Variants in CCNH observed in about 807,000 individuals in gnomAD.
The protein encoded by CCNH is cyclin H.
A neutral mutation model predicts 41.9 loss-of-function variants in CCNH; 31 were observed. The observed-to-expected ratio is 0.74, with a 90% confidence interval of 0.56 to 1.00. CCNH has a LOEUF of 1.00. Among genes scored for constraint, CCNH ranks in the 50% least tolerant of loss-of-function variants. The probability of loss-of-function intolerance (pLI) is 0.00; values close to 1 mark genes in which losing one functional copy is unlikely to be tolerated. For missense variants in CCNH, 362 were observed against 388.4 expected, an observed-to-expected ratio of 0.93 and a Z score of 0.57; for synonymous variants, 138 against 136.1, an observed-to-expected ratio of 1.01 and a Z score of -0.10.
chr5:87,395,365 T>A (rs1203885441), intron 7 of CCNH, among the ~76,000 whole-genome samples: 1 of 152,024 alleles, frequency 6.6e-6, no homozygotes, highest in African/African-American at 2.4e-5. Flanking sequence ...GGAAAGAGTG[T>A]GAAAAAATAG....
chr5:87,353,097 T>G (rs2112431504), intron 9 of CCNH: 1 of 1,358,972 alleles, frequency 7.4e-7, no homozygotes, highest in East Asian at 2.3e-5. Context: ...TTTACACATA[T>G]TTTTAAAGAT....
At chr5:87,345,990 G>T in intron 9 of CCNH, among the ~76,000 whole-genome samples, 1 of 152,074 alleles carries the variant, frequency 6.6e-6, no homozygotes, top group East Asian at 1.9e-4. Flanking sequence ...CCTTTTATTT[G>T]AAGGTAAAAT....
chr5:87,326,483 G>A (rs1757237842), intron 9 of CCNH, among the ~76,000 whole-genome samples: 1 of 152,190 alleles, frequency 6.6e-6, no homozygotes, highest in African/African-American at 2.4e-5. Flanking sequence ...AAAGCTAGCT[G>A]GGAAGACATG....
chr5:87,387,638 G>A (rs550958172), downstream of CCNH, among the ~76,000 whole-genome samples: 153 of 152,202 alleles, frequency 1.0e-3, no homozygotes, highest in African/African-American at 3.6e-3. Flanking sequence ...AGATTGAGGT[G>A]TCCATGTTCT....
downstream of CCNH, chr5:87,390,750 AT>A (rs757871624): frequency 4.0e-6 from 6 of 1,499,748 alleles, no homozygotes; most frequent in Non-Finnish European, 5.6e-6. Flanking sequence ...CCATCCTGAA[AT>A]TGCTGACCGA....
At position 87,402,347 on chromosome 5, in the gene CCNH, T is replaced by TTA. The variant is rs530289860; in HGVS notation, c.690-576_690-575insTA. Among the ~76,000 whole-genome samples, 46 of 152,336 alleles carry TTA rather than the reference T, an allele frequency of 3.0e-4. No individual in the cohort carries two copies. In the East Asian group the frequency reaches 8.5e-3, roughly 28 times the overall value. On this transcript the variant is annotated intron_variant, in intron 5 of 8. Transcript: ENST00000256897. ...CCAAATCAAAGGTGTTAAACTTACT[T>TTA]ATCAATGTGATATAAAACCCAAATT...
chr5:87,337,863 C>G, intron 9 of CCNH: 2 of 1,178,432 alleles, frequency 1.7e-6, no homozygotes, highest in Admixed American at 3.0e-5. Flanking sequence ...ACTCTAATTC[C>G]TTACATTTTT....
intron 9 of CCNH, among the ~76,000 whole-genome samples, chr5:87,331,906 AC>A (rs774875500): frequency 4.6e-5 from 7 of 152,264 alleles, no homozygotes; most frequent in South Asian, 2.1e-4. Context: ...GCAGACATGC[AC>A]TTCAGTGAAA....
chr5:87,313,145 G>A, the CCNH span, among the ~76,000 whole-genome samples: 15 of 152,182 alleles, frequency 9.9e-5, no homozygotes, highest in Non-Finnish European at 1.5e-5. Flanking sequence ...GGGTGTTTAA[G>A]TGAGGAAACT....
intron 9 of CCNH, among the ~76,000 whole-genome samples, chr5:87,348,764 A>G (rs1759046215): frequency 6.6e-6 from 1 of 151,876 alleles, no homozygotes; most frequent in Non-Finnish European, 1.5e-5. Context: ...TAGCACAGTC[A>G]TTACTGTTTA....
chr5:87,324,572 C>G (rs578085905), intron 9 of CCNH, among the ~76,000 whole-genome samples: 32 of 152,174 alleles, frequency 2.1e-4, no homozygotes, highest in African/African-American at 7.0e-4. Context: ...AATATGTTAC[C>G]TGTTGAAAAA....
chr5:87,361,051 C>T (rs16902633), intron 9 of CCNH, among the ~76,000 whole-genome samples: 4,854 of 152,218 alleles, frequency 0.032, 161 homozygotes, highest in African/African-American at 0.074. Flanking sequence ...CAGAGTGATG[C>T]AGTAGAGATT....
chr5:87,385,065 G>A (rs889822300), intron 9 of CCNH, among the ~76,000 whole-genome samples: 4 of 151,968 alleles, frequency 2.6e-5, no homozygotes, highest in African/African-American at 7.2e-5. Context: ...TACCCTTTTC[G>A]CAAGCCTAGA....
chr5:87,379,865 TTTC>T, upstream of CCNH: 1 of 1,609,968 alleles, frequency 6.2e-7, no homozygotes, highest in Non-Finnish European at 8.5e-7. Context: ...GTGGTGAAAT[TTTC>T]ATTTGACAAG....
At chr5:87,401,570 A>T (rs3093816) in intron 6 of CCNH, 132 bp downstream of exon 6, 1 of 637,894 alleles carries the variant, frequency 1.6e-6, no homozygotes, top group South Asian at 1.9e-5. Flanking sequence ...TCATGCTTCC[A>T]TAATACAGTA....
chr5:87,327,776 C>A lies in CCNH; in HGVS notation c.*91-8879G>T, dbSNP rs147567446. Among the ~76,000 whole-genome samples the A allele has an allele frequency of 7.2e-3, 1,099 of 152,074 alleles. 5 individuals carry two copies. Among genetic ancestry groups the A allele is most frequent in the Non-Finnish European group, 0.011 (769 of 67,982 alleles). ...GGTCAGTAGCTCGGGACCAGCCTGG[C>A]CAACATGGTGAAACCCCGTCTCTAC... On this transcript the variant is annotated intron_variant and NMD_transcript_variant, in intron 9 of 9. Coordinates refer to the CCNH transcript ENST00000645953.
rs1032068401 is a variant in CCNH at position 87,412,930 on chromosome 5, T to A, written c.-136A>T. ...GTCCGGCTAGCCGGCGCTGGCGCGC[T>A]GTCGTCACGATTACGCGGCCAGCCC... On this transcript the variant is annotated 5_prime_UTR_variant, in exon 1 of 9. Coordinates refer to ENST00000256897, the MANE Select transcript of CCNH (RefSeq NM_001239.4). The A allele has an allele frequency of 1.2e-5, 17 of 1,453,514 alleles. No homozygotes were observed. Among genetic ancestry groups the A allele is most frequent in the Non-Finnish European group, 1.5e-5 (17 of 1,101,024 alleles). The allele number at this position is 1,453,514 out of a possible 1,614,324, so 90.0% of individuals were successfully genotyped here.
intron 9 of CCNH, chr5:87,349,157 A>C: frequency 6.3e-7 from 1 of 1,580,250 alleles, no homozygotes; most frequent in Admixed American, 1.7e-5. Flanking sequence ...ATACTACTTA[A>C]CATCTTTTCT....
downstream of CCNH, chr5:87,386,945 T>C: frequency 6.7e-7 from 1 of 1,495,606 alleles, no homozygotes; most frequent in Non-Finnish European, 9.3e-7. Context: ...AGACTTCTAG[T>C]TGATATAGCT....
Sources: allele counts gnomAD v4.1 joint callset (sites outside exome capture counted in the v4.1 genomes callset), GRCh38; gene constraint gnomAD v4.1.1; transcripts MANE v1.5; gene names NCBI Gene and HGNC (gene_info 2026-07-23, HGNC 2026-07-21).